The following GRIP1 variants were observed in gnomAD, a reference collection of about 807,000 sequenced individuals.
GRIP1 encodes the protein glutamate receptor-interacting protein 1.
In GRIP1, 45 loss-of-function variants were observed where a neutral mutation model predicts 129.9. The ratio of observed to expected loss-of-function variants is 0.35; its 90% CI spans 0.27 to 0.44. The LOEUF (loss-of-function observed/expected upper bound fraction) is 0.44, where lower values mean the gene tolerates loss of function less well. Ranked by LOEUF, GRIP1 falls within the 20% of genes least tolerant of loss-of-function variation. The probability of loss-of-function intolerance (pLI) is 1.00; values close to 1 mark genes in which losing one functional copy is unlikely to be tolerated. For synonymous variants in GRIP1, 530 were observed against 520.8 expected, an observed-to-expected ratio of 1.02 and a Z score of -0.24; for missense variants, 1,196 against 1,396.8, an observed-to-expected ratio of 0.86 and a Z score of 2.29.
At chr12:66,989,275 G>A (rs2135632284) in intron 1 of GRIP1, among the ~76,000 whole-genome samples, 1 of 152,298 alleles carries the variant, frequency 6.6e-6, no homozygotes, top group Admixed American at 6.5e-5. Flanking sequence ...CTTATTCACT[G>A]GACACCTTCT....
intron 22 of GRIP1, 111 bp downstream of exon 22, chr12:66,376,906 G>A (rs2055811167): frequency 2.5e-6 from 2 of 811,982 alleles, no homozygotes; most frequent in Non-Finnish European, 4.5e-6. Context: ...GAGGGGTGGA[G>A]ATGGGGATAT....
chr12:66,620,593 T>C (rs573280620), intron 1 of GRIP1, among the ~76,000 whole-genome samples: 1 of 152,324 alleles, frequency 6.6e-6, no homozygotes, highest in Non-Finnish European at 1.5e-5. Context: ...GGATTGATTT[T>C]ACACTCCAGG....
intron 2 of GRIP1, among the ~76,000 whole-genome samples, chr12:66,581,501 C>G (rs527999295): frequency 0.01 from 1,500 of 143,504 alleles, 73 homozygotes; most frequent in African/African-American, 0.035. Context: ...AATTGATAGA[C>G]CACTAGCAAG....
At chr12:67,016,389 GA>G (rs2042787732) in intron 1 of GRIP1, among the ~76,000 whole-genome samples, 2 of 152,002 alleles carry the variant, frequency 1.3e-5, no homozygotes, top group African/African-American at 4.8e-5. Context: ...TTATTTATAA[GA>G]ATAAATAAGA....
upstream of GRIP1, among the ~76,000 whole-genome samples, chr12:66,804,697 T>C (rs1273555957): frequency 6.6e-6 from 1 of 152,166 alleles, no homozygotes; most frequent in East Asian, 1.9e-4. Context: ...CTGAACTGAC[T>C]TTCCTACCTG....
At chr12:66,811,051 G>C (rs950125266) in intron 1 of GRIP1, among the ~76,000 whole-genome samples, 1 of 152,198 alleles carries the variant, frequency 6.6e-6, no homozygotes, top group Non-Finnish European at 1.5e-5. Context: ...TTTAACTGTG[G>C]CATGTCTGCA....
At chr12:66,404,689 A>G (rs2057126936) in intron 16 of GRIP1, among the ~76,000 whole-genome samples, 2 of 152,174 alleles carry the variant, frequency 1.3e-5, no homozygotes, top group African/African-American at 4.8e-5. Flanking sequence ...TAGTTGTTCT[A>G]TGAAAACAAA....
At chr12:66,897,329 G>C (rs972414038) in intron 1 of GRIP1, among the ~76,000 whole-genome samples, 15 of 152,168 alleles carry the variant, frequency 9.9e-5, no homozygotes, top group Admixed American at 8.5e-4. Flanking sequence ...AAAGCTTAAG[G>C]TCACAGTTTT....
intron 1 of GRIP1, among the ~76,000 whole-genome samples, chr12:66,719,942 T>C (rs1259688374): frequency 6.6e-6 from 1 of 152,154 alleles, no homozygotes; most frequent in African/African-American, 2.4e-5. Context: ...CACAATGAGT[T>C]TGGAGCAGGT....
intron 10 of GRIP1, 123 bp downstream of exon 10, chr12:66,456,064 T>C (rs1226751291): frequency 2.0e-6 from 1 of 504,656 alleles, no homozygotes; most frequent in Admixed American, 3.0e-5. Flanking sequence ...ATGTCAGAAA[T>C]GATAAATTGC....
At chr12:67,002,998 G>C (rs2042574219) in intron 1 of GRIP1, among the ~76,000 whole-genome samples, 1 of 152,048 alleles carries the variant, frequency 6.6e-6, no homozygotes, top group South Asian at 2.1e-4. Flanking sequence ...GTAACTGCAG[G>C]CATTAGGTTC....
intron 15 of GRIP1, among the ~76,000 whole-genome samples, chr12:66,420,150 A>AT (rs911509744): frequency 1.3e-5 from 2 of 152,154 alleles, no homozygotes; most frequent in African/African-American, 4.8e-5. Context: ...ATAGGTTGAA[A>AT]TTTTTTTAAG....
At chr12:66,936,993 T>A (rs1279834289) in intron 1 of GRIP1, among the ~76,000 whole-genome samples, 1 of 152,212 alleles carries the variant, frequency 6.6e-6, no homozygotes, top group African/African-American at 2.4e-5. Context: ...CCTGTTTTAT[T>A]ACTGCTTCCA....
intron 2 of GRIP1, among the ~76,000 whole-genome samples, chr12:66,560,290 A>G (rs113219837): frequency 0.15 from 22,299 of 152,128 alleles, 1,750 homozygotes; most frequent in Non-Finnish European, 0.16. Flanking sequence ...CTCCACAAGC[A>G]CAGGCAACCA....
intron 1 of GRIP1, among the ~76,000 whole-genome samples, chr12:66,797,882 T>A (rs7314360): frequency 0.61 from 92,637 of 151,942 alleles, 28,469 homozygotes; most frequent in African/African-American, 0.69. Flanking sequence ...TTGCAAACTC[T>A]CACAGGAGCA....
At chr12:66,810,897 T>C (rs544287456) in intron 1 of GRIP1, among the ~76,000 whole-genome samples, 16 of 152,296 alleles carry the variant, frequency 1.1e-4, no homozygotes, top group African/African-American at 3.4e-4. Context: ...CATCTGCAAA[T>C]TGGTGAATAA....
chr12:66,927,684 G>A (rs980501547), intron 1 of GRIP1, among the ~76,000 whole-genome samples: 2 of 152,082 alleles, frequency 1.3e-5, no homozygotes, highest in Non-Finnish European at 2.9e-5. Flanking sequence ...TGTAAGAGGG[G>A]TTACCCACCT....
intron 1 of GRIP1, among the ~76,000 whole-genome samples, chr12:67,006,217 T>C (rs2042623904): frequency 6.6e-6 from 1 of 152,132 alleles, no homozygotes; most frequent in South Asian, 2.1e-4. Context: ...GAAAAACCAC[T>C]TTCCCAACAG....
intron 4 of GRIP1, among the ~76,000 whole-genome samples, chr12:66,533,085 T>C (rs2061503282): frequency 6.6e-6 from 1 of 152,212 alleles, no homozygotes; most frequent in Non-Finnish European, 1.5e-5. Context: ...ATGCTTATGA[T>C]AATTTTAGGT....
Sources: gnomAD v4.1 joint callset for allele counts (sites outside exome capture counted in the v4.1 genomes callset) on GRCh38, gnomAD v4.1.1 for gene constraint, MANE v1.5 for transcripts, NCBI Gene and HGNC (gene_info 2026-07-23, HGNC 2026-07-21) for gene names.